Variants in NUMB observed in about 807,000 individuals in gnomAD.
NUMB encodes the protein NUMB endocytic adaptor protein, also known as protein numb homolog.
In NUMB, 29 loss-of-function variants were observed where a neutral mutation model predicts 59.7. The ratio of observed to expected loss-of-function variants is 0.49; its 90% CI spans 0.36 to 0.66. NUMB has a LOEUF of 0.66. Ranked by LOEUF, NUMB falls within the 30% of genes least tolerant of loss-of-function variation. NUMB has a pLI of 0.00. For missense variants in NUMB, 723 were observed against 822.0 expected, an observed-to-expected ratio of 0.88 and a Z score of 1.47; for synonymous variants, 288 against 288.2, an observed-to-expected ratio of 1.00 and a Z score of 0.01.
chr14:73,284,049 G>A, intron 10 of NUMB, 32 bp downstream of exon 10: 1 of 1,598,804 alleles, frequency 6.3e-7, no homozygotes, highest in Non-Finnish European at 8.6e-7. Context: ...CAGTGCTCGA[G>A]TACCCAGTGA....
At chr14:73,410,628 A>T (rs117153348) in intron 1 of NUMB, among the ~76,000 whole-genome samples, 2,186 of 152,356 alleles carry the variant, frequency 0.014, 29 homozygotes, top group Non-Finnish European at 0.022. Flanking sequence ...TTTGGTGTTA[A>T]AATGGCTTCT....
chr14:73,367,253 A>G (rs1217932900), intron 2 of NUMB, among the ~76,000 whole-genome samples: 1 of 148,356 alleles, frequency 6.7e-6, no homozygotes, highest in Admixed American at 6.8e-5. Context: ...TCTACAGGTA[A>G]ATTATTCAAT....
At chr14:73,325,654 A>G (rs1031506515) in intron 4 of NUMB, among the ~76,000 whole-genome samples, 1 of 152,168 alleles carries the variant, frequency 6.6e-6, no homozygotes, top group Non-Finnish European at 1.5e-5. Flanking sequence ...CTGAACTTCT[A>G]GCCAGAAATC....
chr14:73,367,466 G>A (rs1894424814), intron 2 of NUMB, among the ~76,000 whole-genome samples: 1 of 151,270 alleles, frequency 6.6e-6, no homozygotes, highest in Non-Finnish European at 1.5e-5. Context: ...CATTCAAGGG[G>A]CCCAAAACAG....
intron 4 of NUMB, among the ~76,000 whole-genome samples, chr14:73,340,227 G>A (rs1892557757): frequency 6.6e-6 from 1 of 152,184 alleles, no homozygotes; most frequent in Admixed American, 6.5e-5. Flanking sequence ...CCAACCTTGA[G>A]AATAGTAGAT....
intron 2 of NUMB, among the ~76,000 whole-genome samples, chr14:73,372,363 T>A (rs1894746641): frequency 1.0e-5 from 1 of 97,818 alleles, no homozygotes; most frequent in African/African-American, 3.4e-5. Context: ...ATATATAACC[T>A]TTTATATATA....
chr14:73,350,961 G>A (rs982964484), intron 4 of NUMB, among the ~76,000 whole-genome samples: 1 of 152,048 alleles, frequency 6.6e-6, no homozygotes, highest in African/African-American at 2.4e-5. Flanking sequence ...CTTGTATCTA[G>A]CATGGGCTAC....
chr14:73,328,970 G>A (rs1891808857), intron 4 of NUMB, among the ~76,000 whole-genome samples: 2 of 152,196 alleles, frequency 1.3e-5, no homozygotes, highest in South Asian at 2.1e-4. Flanking sequence ...CCAGGTTCAA[G>A]CAATTCTTCT....
chr14:73,404,519 C>T (rs944968959), intron 2 of NUMB, among the ~76,000 whole-genome samples: 22 of 152,076 alleles, frequency 1.4e-4, no homozygotes, highest in African/African-American at 4.8e-4. Context: ...AGGATACATA[C>T]ATATTAGAAT....
At chr14:73,282,206 T>A in intron 11 of NUMB, 153 bp downstream of exon 11, 1 of 624,522 alleles carries the variant, frequency 1.6e-6, no homozygotes, top group Non-Finnish European at 2.6e-6. Flanking sequence ...CATCGTCGAA[T>A]GGAGAAATCA....
At chr14:73,395,037 T>TTGTGTGTGTG (rs3028731) in intron 2 of NUMB, among the ~76,000 whole-genome samples, 3,761 of 119,728 alleles carry the variant, frequency 0.031, 172 homozygotes, top group Non-Finnish European at 0.042. Flanking sequence ...ATTCGTGTGT[T>TTGTGTGTGTG]TGTGTGTGTG....
chr14:73,445,381 A>AAAAAAAAAAAAAAAAAAAAAAAAAAAAC (rs1206147366), intron 1 of NUMB, among the ~76,000 whole-genome samples: 2 of 129,790 alleles, frequency 1.5e-5, no homozygotes, highest in Non-Finnish European at 3.3e-5. Context: ...AAAAAAAAAA[A>AAAAAAAAAAAAAAAAAAAAAAAAAAAAC]AAAAAAAAAA....
At chr14:73,395,755 T>C (rs977384288) in intron 2 of NUMB, among the ~76,000 whole-genome samples, 1 of 152,228 alleles carries the variant, frequency 6.6e-6, no homozygotes, top group Non-Finnish European at 1.5e-5. Flanking sequence ...TTCATATGTA[T>C]AGCTACACGT....
chr14:73,276,791 C>T lies in NUMB; in HGVS notation c.1743G>A (p.Gln581=), dbSNP rs1170949487. Residue 581 remains glutamine (Q), a synonymous_variant, in exon 13 of 13, where the codon CAG becomes CAA. Transcript: ENST00000555238. The part of the protein sequence containing the change: ...TTSPFFKPPA[Q]HLNGSAAFNG... ...TGAAAGCTGCAGAACCGTTGAGGTG[C>T]TGAGCAGGAGGCTTAAAGAAGGGAC... is the stretch of plus-strand genomic sequence containing the variant. The T allele has an allele frequency of 3.7e-6, 6 of 1,614,076 alleles. No homozygotes were observed. Among genetic ancestry groups the T allele is most frequent in the Admixed American group, 1.7e-5 (1 of 60,004 alleles).
At chr14:73,279,963 C>T (rs1028912999) in intron 11 of NUMB, among the ~76,000 whole-genome samples, 4 of 152,194 alleles carry the variant, frequency 2.6e-5, no homozygotes, top group African/African-American at 9.7e-5. Context: ...TCGAGACCAG[C>T]CTGGCCAACG....
At chr14:73,402,150 G>C (rs1407848544) in intron 2 of NUMB, among the ~76,000 whole-genome samples, 1 of 152,180 alleles carries the variant, frequency 6.6e-6, no homozygotes. Context: ...ACAGGAGTGA[G>C]CCACTGCACC....
chr14:73,284,391 G>A lies in NUMB; in HGVS notation c.656-17C>T. On this transcript the variant is annotated splice_polypyrimidine_tract_variant and intron_variant, in intron 9 of 12. Transcript: ENST00000555238. Reference sequence around the variant, plus strand: ...CTGTTTCAGCTCAAGAAAATAAAGAGAATGAAGACCTTAGCAATGTCTTCA... The same window carrying A: ...CTGTTTCAGCTCAAGAAAATAAAGAAAATGAAGACCTTAGCAATGTCTTCA... 6.2e-7 allele frequency: 1 copy of A among 1,601,344 alleles called. No homozygotes were observed.
intron 6 of NUMB, among the ~76,000 whole-genome samples, chr14:73,306,239 C>A (rs1027581416): frequency 6.6e-6 from 1 of 152,156 alleles, no homozygotes; most frequent in African/African-American, 2.4e-5. Flanking sequence ...TGGAGCATGT[C>A]ATGAACTACA....
At chr14:73,357,311 G>C (rs758644654) in intron 3 of NUMB, among the ~76,000 whole-genome samples, 17 of 146,070 alleles carry the variant, frequency 1.2e-4, no homozygotes, top group Admixed American at 7.5e-4. Context: ...GCTGAGGCAG[G>C]AGAATCACTT....
Sources: allele counts gnomAD v4.1 joint callset (sites outside exome capture counted in the v4.1 genomes callset), GRCh38; gene constraint gnomAD v4.1.1; transcripts MANE v1.5; gene names NCBI Gene and HGNC (gene_info 2026-07-23, HGNC 2026-07-21).